DSCAM: variants seen among roughly 807,000 people sequenced by gnomAD.
The protein encoded by DSCAM is cell adhesion molecule DSCAM.
DSCAM carries 47 observed loss-of-function variants against 217.7 expected under a neutral mutation model. The ratio of observed to expected loss-of-function variants is 0.22; its 90% CI spans 0.17 to 0.28. The LOEUF is 0.28. Ranked by LOEUF, DSCAM falls within the 10% of genes least tolerant of loss-of-function variation. The pLI is 1.00. For synonymous variants in DSCAM, 1,056 were observed against 1,015.3 expected, an observed-to-expected ratio of 1.04 and a Z score of -0.76; for missense variants, 2,080 against 2,618.3, an observed-to-expected ratio of 0.79 and a Z score of 4.49.
At chr21:40,635,832 T>C (rs1483929272) in intron 3 of DSCAM, among the ~76,000 whole-genome samples, 1 of 152,200 alleles carries the variant, frequency 6.6e-6, no homozygotes, top group Non-Finnish European at 1.5e-5. Context: ...CGCTCAGAAC[T>C]GCACTTCCAA....
chr21:40,020,301 CTCT>C (rs1243450472), intron 32 of DSCAM, among the ~76,000 whole-genome samples: 1 of 152,198 alleles, frequency 6.6e-6, no homozygotes, highest in African/African-American at 2.4e-5. Flanking sequence ...TCCATTAAAT[CTCT>C]TCTTTATAAA....
intron 3 of DSCAM, among the ~76,000 whole-genome samples, chr21:40,374,751 C>A (rs1440864569): frequency 1.3e-5 from 2 of 152,194 alleles, no homozygotes; most frequent in African/African-American, 2.4e-5. Context: ...TGGGACCAGA[C>A]CTCACTTTCT....
intron 13 of DSCAM, 45 bp from the exon 14 acceptor site, chr21:40,187,304 C>T (rs1163222205): frequency 2.5e-6 from 4 of 1,608,588 alleles, no homozygotes. Context: ...AAACAGAGCT[C>T]TGACATAAAA....
At chr21:40,467,944 A>C in intron 3 of DSCAM, among the ~76,000 whole-genome samples, 1 of 151,406 alleles carries the variant, frequency 6.6e-6, no homozygotes, top group East Asian at 1.9e-4. Context: ...AAAAAAAAAA[A>C]AAAAAAACTA....
intron 3 of DSCAM, among the ~76,000 whole-genome samples, chr21:40,691,805 A>G (rs2090540500): frequency 1.3e-5 from 2 of 152,236 alleles, no homozygotes; most frequent in Admixed American, 1.3e-4. Context: ...ATGGCAATGT[A>G]TTTCAACTTT....
intron 32 of DSCAM, among the ~76,000 whole-genome samples, chr21:40,033,003 TTGGAATA>T (rs2088557116): frequency 6.6e-6 from 1 of 152,162 alleles, no homozygotes; most frequent in African/African-American, 2.4e-5. Context: ...CCAAACTGCT[TTGGAATA>T]TCTGGCCCCC....
chr21:40,798,006 T>C (rs1210873431), intron 1 of DSCAM, among the ~76,000 whole-genome samples: 2 of 152,122 alleles, frequency 1.3e-5, no homozygotes, highest in Non-Finnish European at 2.9e-5. Context: ...TAACTCACAA[T>C]GTAAGTATGT....
intron 3 of DSCAM, among the ~76,000 whole-genome samples, chr21:40,620,325 AAAAAAG>A (rs1472025920): frequency 2.0e-5 from 3 of 147,962 alleles, no homozygotes; most frequent in African/African-American, 5.0e-5. Flanking sequence ...AAAGAGAGAG[AAAAAAG>A]AAAAAGAAAG....
chr21:40,488,252 T>C (rs1805761154), intron 3 of DSCAM, among the ~76,000 whole-genome samples: 1 of 152,238 alleles, frequency 6.6e-6, no homozygotes, highest in Non-Finnish European at 1.5e-5. Context: ...AGCAAAGCCC[T>C]TCCTCTCTGA....
chr21:40,580,394 G>C (rs1042588708), intron 3 of DSCAM, among the ~76,000 whole-genome samples: 4 of 151,802 alleles, frequency 2.6e-5, no homozygotes, highest in African/African-American at 9.7e-5. Flanking sequence ...TTAGCCAGGC[G>C]TGGTGGCGGG....
At position 40,133,863 on chromosome 21, in the gene DSCAM, T is replaced by C. The variant is rs1457167324; in HGVS notation, c.3553A>G (p.Lys1185Glu). 5 of 1,606,536 alleles carry C rather than the reference T, an allele frequency of 3.1e-6. No homozygotes were observed. In the Admixed American group the frequency reaches 6.8e-5, roughly 22 times the overall value. ...CCCACCCGTCTCTCACCATCCTCTTTGGTCCGGGTGAAGATCTGCTCACTC... is the reference window on the plus strand; with the variant it reads ...CCCACCCGTCTCTCACCATCCTCTTCGGTCCGGGTGAAGATCTGCTCACTC... ...VRSEQIFTRT[K>E]EDVPGPPAGV... Residue 1185 changes from lysine to glutamate, a missense_variant, in exon 19 of 33, where the codon AAA (lysine) becomes GAA (glutamate). By Grantham distance (56) the Lys-to-Glu change is moderately conservative (BLOSUM62 1). Coordinates refer to ENST00000400454, the MANE Select transcript of DSCAM (RefSeq NM_001389.5).
chr21:40,693,828 T>A (rs2090567271), intron 2 of DSCAM, among the ~76,000 whole-genome samples: 1 of 152,148 alleles, frequency 6.6e-6, no homozygotes, highest in Non-Finnish European at 1.5e-5. Context: ...AGAGTGGACT[T>A]CCACGTCCTT....
intron 32 of DSCAM, among the ~76,000 whole-genome samples, chr21:40,030,659 T>C (rs1397723223): frequency 1.3e-5 from 2 of 152,338 alleles, no homozygotes; most frequent in African/African-American, 4.8e-5. Flanking sequence ...AGCCTCCACA[T>C]ACTGCTGTTC....
chr21:40,360,258 G>A (rs978735242), intron 4 of DSCAM, among the ~76,000 whole-genome samples: 2 of 149,468 alleles, frequency 1.3e-5, no homozygotes, highest in Non-Finnish European at 3.0e-5. Flanking sequence ...TTAGCCTCCC[G>A]AGTAGCTGGG....
At chr21:40,363,403 C>A (rs1255695277) in intron 4 of DSCAM, among the ~76,000 whole-genome samples, 1 of 151,832 alleles carries the variant, frequency 6.6e-6, no homozygotes, top group Non-Finnish European at 1.5e-5. Context: ...CAGGCACCCA[C>A]CACTATACCT....
At chr21:40,107,387 G>C (rs1479303132) in intron 20 of DSCAM, among the ~76,000 whole-genome samples, 2 of 152,064 alleles carry the variant, frequency 1.3e-5, no homozygotes, top group African/African-American at 4.8e-5. Flanking sequence ...TTTTACTTCT[G>C]ATTAATATGA....
Position 40,646,696 on chromosome 21 carries a change from T to G in DSCAM, c.508+46114A>C, listed in dbSNP as rs1018443173. On this transcript the variant is annotated intron_variant, in intron 3 of 32. Coordinates refer to ENST00000400454, the MANE Select transcript of DSCAM (RefSeq NM_001389.5). ...AAAATGGAACACAAAATTAACATAT[T>G]AAGTAGAAAGCTGGTGTGCAGTTGA... 1.8e-4 allele frequency among the ~76,000 whole-genome samples: 27 copies of G among 152,156 alleles called. 1 individual carries two copies. Among genetic ancestry groups the G allele is most frequent in the African/African-American group, 6.3e-4 (26 of 41,434 alleles).
chr21:40,156,146 G>A (rs2090474106), intron 16 of DSCAM, among the ~76,000 whole-genome samples: 3 of 151,868 alleles, frequency 2.0e-5, no homozygotes, highest in Non-Finnish European at 4.4e-5. Flanking sequence ...GGGTAAGTAT[G>A]GAGACAAACT....
chr21:40,319,038 C>T (rs1391916760), intron 8 of DSCAM, among the ~76,000 whole-genome samples: 1 of 152,064 alleles, frequency 6.6e-6, no homozygotes, highest in East Asian at 1.9e-4. Flanking sequence ...GTGTCTTGGG[C>T]ATATTTGTAA....
Sources: gnomAD v4.1 joint callset for allele counts (sites outside exome capture counted in the v4.1 genomes callset) on GRCh38, gnomAD v4.1.1 for gene constraint, MANE v1.5 for transcripts, NCBI Gene and HGNC (gene_info 2026-07-23, HGNC 2026-07-21) for gene names.